The following CDH18 variants were observed in gnomAD, a reference collection of about 807,000 sequenced individuals.
The protein encoded by CDH18 is cadherin 18, also known as cadherin-18.
A neutral mutation model predicts 67.9 loss-of-function variants in CDH18; 31 were observed. That is an observed-to-expected ratio of 0.46 (90% CI 0.34 to 0.62). The LOEUF (loss-of-function observed/expected upper bound fraction) is 0.62, where lower values mean the gene tolerates loss of function less well. Ranked by LOEUF, CDH18 falls within the 20% of genes least tolerant of loss-of-function variation. The pLI, the probability that CDH18 is intolerant of heterozygous loss-of-function variation, is 0.01. For synonymous variants in CDH18, 362 were observed against 347.2 expected (o/e 1.04, Z -0.48); for missense variants, 890 against 975.5 (o/e 0.91, Z 1.17).
intron 2 of CDH18, among the ~76,000 whole-genome samples, chr5:19,897,002 A>G (rs1789413326): frequency 6.6e-6 from 1 of 152,172 alleles, no homozygotes; most frequent in Non-Finnish European, 1.5e-5. Context: ...AAACAGTAGA[A>G]TATCTTCATG....
At chr5:20,386,625 G>A (rs7704215) in intron 1 of CDH18, among the ~76,000 whole-genome samples, 27,890 of 151,992 alleles carry the variant, frequency 0.18, 2,804 homozygotes, top group African/African-American at 0.24. Context: ...GCAAGAACTT[G>A]TATTCAACTT....
At chr5:19,958,895 T>G (rs1796529864) in intron 2 of CDH18, among the ~76,000 whole-genome samples, 1 of 152,098 alleles carries the variant, frequency 6.6e-6, no homozygotes, top group African/African-American at 2.4e-5. Flanking sequence ...TTGGTGACAG[T>G]GGCCTTGAAG....
intron 1 of CDH18, among the ~76,000 whole-genome samples, chr5:20,447,915 T>C (rs1750128097): frequency 6.6e-6 from 1 of 152,116 alleles, no homozygotes. Flanking sequence ...TATTTCTTTT[T>C]ATTATACTTT....
At chr5:19,960,747 GTATATATA>G (rs1255778139) in intron 2 of CDH18, among the ~76,000 whole-genome samples, 1 of 130,450 alleles carries the variant, frequency 7.7e-6, no homozygotes. Context: ...GTATACACGT[GTATATATA>G]TGTATATATG....
At chr5:20,325,784 G>A (rs527796077) in intron 1 of CDH18, among the ~76,000 whole-genome samples, 16 of 152,064 alleles carry the variant, frequency 1.1e-4, no homozygotes, top group African/African-American at 3.1e-4. Context: ...ACTGTTCATT[G>A]CATTTTATAT....
At chr5:20,267,119 A>G (rs2126651472) in intron 1 of CDH18, among the ~76,000 whole-genome samples, 1 of 152,310 alleles carries the variant, frequency 6.6e-6, no homozygotes, top group East Asian at 1.9e-4. Flanking sequence ...AATGTGCAGA[A>G]TTTATATATA....
intron 2 of CDH18, among the ~76,000 whole-genome samples, chr5:19,849,999 T>C (rs1394922312): frequency 1.3e-5 from 2 of 151,808 alleles, no homozygotes; most frequent in East Asian, 1.9e-4. Context: ...AGGATTTAAA[T>C]TGACATGGAT....
At chr5:19,799,903 C>A (rs1276789889) in intron 3 of CDH18, among the ~76,000 whole-genome samples, 1 of 151,964 alleles carries the variant, frequency 6.6e-6, no homozygotes, top group Admixed American at 6.6e-5. Flanking sequence ...TGTGAGTTTC[C>A]CCAGTTTTTC....
At chr5:20,374,694 G>A (rs1305847605) in intron 1 of CDH18, among the ~76,000 whole-genome samples, 35 of 152,170 alleles carry the variant, frequency 2.3e-4, no homozygotes, top group Non-Finnish European at 7.4e-5. Flanking sequence ...TTCAGGGAAA[G>A]AGGGGATTCA....
chr5:19,955,426 A>C (rs769839292), intron 2 of CDH18, among the ~76,000 whole-genome samples: 3 of 152,128 alleles, frequency 2.0e-5, no homozygotes, highest in Non-Finnish European at 4.4e-5. Context: ...TATTTTAACA[A>C]TGGAATTCTG....
At chr5:19,622,580 C>T (rs2150146555) in intron 5 of CDH18, among the ~76,000 whole-genome samples, 1 of 152,256 alleles carries the variant, frequency 6.6e-6, no homozygotes, top group East Asian at 1.9e-4. Context: ...GCAGTTTTTG[C>T]TCTGTTCTTG....
chr5:19,616,752 A>T (rs1222324582), intron 5 of CDH18, among the ~76,000 whole-genome samples: 3 of 152,120 alleles, frequency 2.0e-5, no homozygotes, highest in African/African-American at 7.2e-5. Flanking sequence ...GGGTGGTTTT[A>T]AAAACAGAGA....
intron 1 of CDH18, among the ~76,000 whole-genome samples, chr5:20,340,761 C>A (rs1354292121): frequency 6.6e-6 from 1 of 152,138 alleles, no homozygotes; most frequent in African/African-American, 2.4e-5. Context: ...CTGATCTCCC[C>A]TCCAATCTGG....
intron 10 of CDH18, among the ~76,000 whole-genome samples, chr5:19,506,190 C>T (rs1347415781): frequency 6.6e-6 from 1 of 152,048 alleles, no homozygotes; most frequent in East Asian, 1.9e-4. Flanking sequence ...ACCTAGGAAT[C>T]CAACTTACAA....
intron 3 of CDH18, among the ~76,000 whole-genome samples, chr5:19,815,295 T>C (rs989082138): frequency 6.6e-6 from 1 of 152,030 alleles, no homozygotes; most frequent in African/African-American, 2.4e-5. Flanking sequence ...TGTATAAGAT[T>C]CAGATGTCAC....
chr5:19,481,373 T>C (rs1268407193), intron 12 of CDH18, among the ~76,000 whole-genome samples: 2 of 152,168 alleles, frequency 1.3e-5, no homozygotes, highest in African/African-American at 4.8e-5. Flanking sequence ...AAAGATCATT[T>C]TTCTGAGTCC....
intron 1 of CDH18, among the ~76,000 whole-genome samples, chr5:19,987,671 C>T (rs1474036836): frequency 6.6e-6 from 1 of 152,076 alleles, no homozygotes; most frequent in Non-Finnish European, 1.5e-5. Flanking sequence ...AATTTCAGTG[C>T]CCCTGTTTCT....
chr5:19,655,986 C>CT (rs963093504), intron 5 of CDH18, among the ~76,000 whole-genome samples: 25,980 of 103,790 alleles, frequency 0.25, 3,407 homozygotes, highest in Non-Finnish European at 0.28. Context: ...CTACTCACTT[C>CT]TTTTTTTTTT....
chr5:20,010,562 GA>G (rs1408653466), intron 2 of CDH18, among the ~76,000 whole-genome samples: 1 of 151,924 alleles, frequency 6.6e-6, no homozygotes, highest in East Asian at 1.9e-4. Flanking sequence ...TCAATCAAAT[GA>G]ATATCTCATA....
Sources: allele counts gnomAD v4.1 joint callset (sites outside exome capture counted in the v4.1 genomes callset), GRCh38; gene constraint gnomAD v4.1.1; transcripts MANE v1.5; gene names NCBI Gene and HGNC (gene_info 2026-07-23, HGNC 2026-07-21).